The following PPP1R3E variants were observed in gnomAD, a reference collection of about 807,000 sequenced individuals.
The protein encoded by PPP1R3E is protein phosphatase 1, regulatory (inhibitor) subunit 3E.
PPP1R3E carries 20 observed loss-of-function variants against 18.5 expected under a neutral mutation model. The ratio of observed to expected loss-of-function variants is 1.08; its 90% confidence interval spans 0.76 to 1.58. The LOEUF is 1.58. Among genes scored for constraint, PPP1R3E ranks in the 40% most tolerant of loss-of-function variants. The pLI, the probability that PPP1R3E is intolerant of heterozygous loss-of-function variation, is 0.00. For synonymous variants in PPP1R3E, 208 were observed against 208.1 expected (o/e 1.00, Z 0.00); for missense variants, 498 against 460.2 (o/e 1.08, Z -0.75).
In PPP1R3E at chr14:23,302,409, G is replaced by C. The variant is rs1261431246; in HGVS notation, c.168C>G (p.His56Gln). 3 of 1,492,956 alleles carry C rather than the reference G, an allele frequency of 2.0e-6. No individual in the cohort carries two copies. Among genetic ancestry groups the C allele is most frequent in the South Asian group, 2.5e-5 (2 of 78,668 alleles). The allele number at this position is 1,492,956 out of a possible 1,614,324, so 92.5% of individuals were successfully genotyped here. A position where few individuals can be genotyped will look rare whatever the true frequency, so the allele number is the denominator to read the frequency against. ...GTRFGARSRA[H>Q]APSRGRRARS... ...GGGCCCGGCGGCCCCGACTCGGTGCGTGAGCGCGGGATCGGGCCCCGAACC... is the reference window on the plus strand; with the variant it reads ...GGGCCCGGCGGCCCCGACTCGGTGCCTGAGCGCGGGATCGGGCCCCGAACC... The change falls in exon 1 of 5, where the codon CAC (histidine) becomes CAG (glutamine). Residue 56 changes from histidine to glutamine, a missense_variant. Transcript: ENST00000452015.
chr14:23,302,211 C>T lies in PPP1R3E; in HGVS notation c.366G>A (p.Arg122=). ...VPRHVQIQLQ[R]DALRHFAPCQ... is the part of the protein sequence containing the mutation. ...AGGGCGCGAAGTGGCGGAGGGCGTCCCTCTGCAATTGGATCTGCACGTGGC... is the reference window on the plus strand; with the variant it reads ...AGGGCGCGAAGTGGCGGAGGGCGTCTCTCTGCAATTGGATCTGCACGTGGC... The change falls in exon 1 of 5, where the codon AGG becomes AGA. Residue 122 remains arginine (R), a synonymous_variant. Transcript: ENST00000452015. 6.8e-7 allele frequency: 1 copy of T among 1,472,728 alleles called. No homozygotes were observed. Among genetic ancestry groups the T allele is most frequent in the African/African-American group, 1.5e-5 (1 of 68,278 alleles). 91.2% of individuals were successfully genotyped at this position (1,472,728 alleles called of 1,614,324 possible).
rs941299511 is a variant in PPP1R3E at position 23,302,643 on chromosome 14, C to G, written c.-67G>C. The G allele has an allele frequency of 1.5e-6, 2 of 1,370,804 alleles. No homozygotes were observed. Among genetic ancestry groups the G allele is most frequent in the Admixed American group, 3.7e-5 (1 of 26,900 alleles). 84.9% of individuals were successfully genotyped at this position (1,370,804 alleles called of 1,614,324 possible). ...CGCTCCCCTCTCTTCCTCTCTCCCG[C>G]CCGCCCCGCGTCAGCGCAGAAGTCG... On this transcript the variant is annotated 5_prime_UTR_variant, in exon 1 of 5. Coordinates refer to ENST00000452015, the MANE Select transcript of PPP1R3E (RefSeq NM_001276318.2).
chr14:23,302,102 A>T, intron 1 of PPP1R3E, 58 bp downstream of exon 1: 2 of 1,378,874 alleles, frequency 1.5e-6, no homozygotes. Context: ...CACTCCCACA[A>T]GCCCGCTGCG....
At position 23,302,773 on chromosome 14, in the gene PPP1R3E, C is replaced by T. The variant is rs1257283792; in HGVS notation, c.-197G>A. On this transcript the variant is annotated 5_prime_UTR_variant, in exon 1 of 5. Coordinates refer to ENST00000452015, the MANE Select transcript of PPP1R3E (RefSeq NM_001276318.2). ...TGCCTCTCCTCTGTGACCACCCTTC[C>T]CTCCCTCTGGCCGTCAGCTTCCAGG... 3.3e-5 allele frequency: 18 copies of T among 541,318 alleles called. No homozygotes were observed. The highest frequency in any genetic ancestry group is 5.6e-5 in the Non-Finnish European group (18 of 319,192). 33.5% of individuals were successfully genotyped at this position (541,318 alleles called of 1,614,324 possible).
Position 23,301,446 on chromosome 14 carries a change from T to C in PPP1R3E, c.830A>G (p.His277Arg). 6.9e-7 allele frequency: 1 copy of C among 1,442,326 alleles called. No individual in the cohort carries two copies. The highest frequency in any genetic ancestry group is 9.1e-7 in the Non-Finnish European group (1 of 1,102,028). The allele number at this position is 1,442,326 out of a possible 1,614,324, so 89.3% of individuals were successfully genotyped here. A position where few individuals can be genotyped will look rare whatever the true frequency, so the allele number is the denominator to read the frequency against. ...GGAPEPQGWI[H>R]FI ...CGCAGGCGCCTCGTCTCAGATAAAG[T>C]GGATCCAGCCCTGCGGCTCCGGAGC... The change falls in exon 2 of 5, where the codon CAC (histidine) becomes CGC (arginine). Residue 277 changes from histidine (H) to arginine (R), a missense_variant. Physicochemically the swap from His to Arg is conservative, Grantham distance 29. Coordinates refer to ENST00000452015, the MANE Select transcript of PPP1R3E (RefSeq NM_001276318.2).
At position 23,301,845 on chromosome 14, in the gene PPP1R3E, G is replaced by A. The variant is rs960018346; in HGVS notation, c.431C>T (p.Ala144Val). 1.8e-5 allele frequency: 26 copies of A among 1,449,358 alleles called. No homozygotes were observed. The highest frequency in any genetic ancestry group is 3.0e-5 in the African/African-American group (2 of 66,782). 89.8% of individuals were successfully genotyped at this position (1,449,358 alleles called of 1,614,324 possible). A position where few individuals can be genotyped will look rare whatever the true frequency, so the allele number is the denominator to read the frequency against. The change falls in exon 2 of 5, where the codon GCC becomes GTC. Residue 144 changes from alanine (A) to valine (V), a missense_variant. Transcript: ENST00000452015. ...GCCGGGCTCGCTGGCCGGCTCCAGG[G>A]CGGCGCGCGCCTCCTGGGGGAAAGA... ...RARGLQEARA[A>V]LEPASEPGFA... is the part of the protein sequence containing the mutation.
At chr14:23,300,232 G>A (rs977847721) in intron 3 of PPP1R3E, 6 of 152,184 alleles carry the variant, frequency 3.9e-5, no homozygotes, top group African/African-American at 1.2e-4. Flanking sequence ...GCTGAAGGTT[G>A]GTTATGGGAT....
At position 23,301,367 on chromosome 14, in the gene PPP1R3E, C is replaced by A; in HGVS notation, c.*69G>T. Reference sequence around the variant, plus strand: ...AATCCTGGTCTCTCCTACTCCTCCCCGCCACATCGGGTCGCCCCGCCCCCG... The same window carrying A: ...AATCCTGGTCTCTCCTACTCCTCCCAGCCACATCGGGTCGCCCCGCCCCCG... On this transcript the variant is annotated 3_prime_UTR_variant, in exon 2 of 5. Coordinates refer to ENST00000452015, the MANE Select transcript of PPP1R3E (RefSeq NM_001276318.2). The A allele has an allele frequency of 7.6e-7, 1 of 1,308,546 alleles. No individual in the cohort carries two copies. The highest frequency in any genetic ancestry group is 3.1e-5 in the East Asian group (1 of 31,872). The allele number at this position is 1,308,546 out of a possible 1,614,324, so 81.1% of individuals were successfully genotyped here.
rs954915135 is a variant in PPP1R3E, at chr14:23,302,347, G to C, written c.230C>G (p.Pro77Arg). ...GCGGGTGTCTGGGCTACGGCTGCGG[G>C]GCGCCCGGGCCCCGCCGCCTCCGGC... ...APAGGGGARA[P>R]RSRSPDTRKR... is the part of the protein sequence containing the mutation. The change falls in exon 1 of 5, where the codon CCC (proline) becomes CGC (arginine). Residue 77 changes from proline to arginine, a missense_variant. By Grantham distance (103) the Pro-to-Arg change is moderately radical. Transcript: ENST00000452015. 8 of 1,501,572 alleles carry C rather than the reference G, an allele frequency of 5.3e-6. No individual in the cohort carries two copies. Among genetic ancestry groups the C allele is most frequent in the Non-Finnish European group, 7.0e-6 (8 of 1,135,104 alleles). The allele number at this position is 1,501,572 out of a possible 1,614,324, so 93.0% of individuals were successfully genotyped here. A position where few individuals can be genotyped will look rare whatever the true frequency, so the allele number is the denominator to read the frequency against.
Position 23,295,807 on chromosome 14 carries a change from C to T in PPP1R3E, c.*3497G>A, listed in dbSNP as rs1886863747. ...TATTAAATTTTTCTGGACACACACA[C>T]ACAAAAAACAAGGTGACCAAGAAAT... is the stretch of plus-strand genomic sequence containing the variant. On this transcript the variant is annotated 3_prime_UTR_variant, in exon 5 of 5. Coordinates refer to ENST00000452015, the MANE Select transcript of PPP1R3E (RefSeq NM_001276318.2). 1 of 154,800 alleles carries T rather than the reference C, an allele frequency of 6.5e-6. No homozygotes were observed. The highest frequency in any genetic ancestry group is 2.4e-5 in the African/African-American group (1 of 41,502). 9.6% of individuals were successfully genotyped at this position (154,800 alleles called of 1,614,324 possible).
chr14:23,300,661 T>G (rs533008292), intron 3 of PPP1R3E, 97 bp downstream of exon 3: 1 of 152,246 alleles, frequency 6.6e-6, no homozygotes, highest in Non-Finnish European at 1.5e-5. Flanking sequence ...GTACAACCCC[T>G]GAGGCTCAGT....
chr14:23,302,294 C>G lies in PPP1R3E; in HGVS notation c.283G>C (p.Gly95Arg). 6.6e-7 allele frequency: 1 copy of G among 1,520,540 alleles called. No homozygotes were observed. Among genetic ancestry groups the G allele is most frequent in the Non-Finnish European group, 8.8e-7 (1 of 1,141,844 alleles). The allele number at this position is 1,520,540 out of a possible 1,614,324, so 94.2% of individuals were successfully genotyped here. Residue 95 changes from glycine (G) to arginine (R), a missense_variant, in exon 1 of 5, where the codon GGG becomes CGG. Gly to Arg is a moderately radical substitution (Grantham distance 125). Transcript: ENST00000452015. ...RKRVRFADAL[G>R]LELAVVRRFR... is the part of the protein sequence containing the mutation. Reference sequence around the variant, plus strand: ...CGGCGCACGACAGCCAGCTCCAACCCCAGTGCGTCGGCGAAACGCACTCTC... The same window carrying G: ...CGGCGCACGACAGCCAGCTCCAACCGCAGTGCGTCGGCGAAACGCACTCTC...
chr14:23,302,635 C>G lies in PPP1R3E; in HGVS notation c.-59G>C. On this transcript the variant is annotated 5_prime_UTR_variant, in exon 1 of 5. Transcript: ENST00000452015. ...CGCCACCGCGCTCCCCTCTCTTCCT[C>G]TCTCCCGCCCGCCCCGCGTCAGCGC... 3 of 1,377,334 alleles carry G rather than the reference C, an allele frequency of 2.2e-6. No individual in the cohort carries two copies. The highest frequency in any genetic ancestry group is 3.2e-5 in the South Asian group (2 of 61,632). The allele number at this position is 1,377,334 out of a possible 1,614,324, so 85.3% of individuals were successfully genotyped here. A position where few individuals can be genotyped will look rare whatever the true frequency, so the allele number is the denominator to read the frequency against.
Position 23,302,418 on chromosome 14 carries a change from G to A in PPP1R3E, c.159C>T (p.Ser53=). 3 of 1,494,838 alleles carry A rather than the reference G, an allele frequency of 2.0e-6. No individual in the cohort carries two copies. The highest frequency in any genetic ancestry group is 1.8e-6 in the Non-Finnish European group (2 of 1,132,286). 92.6% of individuals were successfully genotyped at this position (1,494,838 alleles called of 1,614,324 possible). ...GGCCCCGACTCGGTGCGTGAGCGCGGGATCGGGCCCCGAACCGCGTCCCGC... is the reference window on the plus strand; with the variant it reads ...GGCCCCGACTCGGTGCGTGAGCGCGAGATCGGGCCCCGAACCGCGTCCCGC... ...GEGGTRFGAR[S]RAHAPSRGRR... Residue 53 remains serine (S), a synonymous_variant, in exon 1 of 5, where the codon TCC becomes TCT. Transcript: ENST00000452015.
At chr14:23,300,453 C>T (rs1322876875) in intron 3 of PPP1R3E, 12 of 152,226 alleles carry the variant, frequency 7.9e-5, no homozygotes, top group African/African-American at 2.2e-4. Context: ...AAGGAGAACA[C>T]TGGGGCACAA....
At position 23,297,509 on chromosome 14, in the gene PPP1R3E, A is replaced by T. The variant is rs1233422733; in HGVS notation, c.*1795T>A. ...GGGGTTGGGAAAATCTCAGTGCTGAAGTCCTGGGAGAGGAGTACACACCAA... is the reference window on the plus strand; with the variant it reads ...GGGGTTGGGAAAATCTCAGTGCTGATGTCCTGGGAGAGGAGTACACACCAA... On this transcript the variant is annotated 3_prime_UTR_variant, in exon 5 of 5. Coordinates refer to ENST00000452015, the MANE Select transcript of PPP1R3E (RefSeq NM_001276318.2). 6.6e-6 allele frequency: 1 copy of T among 152,278 alleles called. No individual in the cohort carries two copies. Among genetic ancestry groups the T allele is most frequent in the Non-Finnish European group, 1.5e-5 (1 of 68,084 alleles). 9.4% of individuals were successfully genotyped at this position (152,278 alleles called of 1,614,324 possible). A position where few individuals can be genotyped will look rare whatever the true frequency, so the allele number is the denominator to read the frequency against.
At chr14:23,299,937 T>TTG (rs1886987372) in intron 3 of PPP1R3E, among the ~76,000 whole-genome samples, 5 of 148,016 alleles carry the variant, frequency 3.4e-5, no homozygotes, top group Admixed American at 6.7e-5. Flanking sequence ...GTTTTTTTTT[T>TTG]TTTTTTTTTT....
rs1472957977 is a variant in PPP1R3E, at chr14:23,298,554, AG to A, written c.*749del. Reference sequence around the variant, plus strand: ...TTATGATCGAGTCATAGTTCTGGAAAGGAAGAAAAACCCAGATTTGCGCACA... The same window carrying A: ...TTATGATCGAGTCATAGTTCTGGAAAGAAGAAAAACCCAGATTTGCGCACA... On this transcript the variant is annotated 3_prime_UTR_variant, in exon 5 of 5. Coordinates refer to ENST00000452015, the MANE Select transcript of PPP1R3E (RefSeq NM_001276318.2). The A allele has an allele frequency of 3.2e-5, 5 of 154,372 alleles. No individual in the cohort carries two copies. The highest frequency in any genetic ancestry group is 1.3e-4 in the Admixed American group (2 of 15,280). The allele number at this position is 154,372 out of a possible 1,614,324, so 9.6% of individuals were successfully genotyped here.
rs1168187663 is a variant in PPP1R3E, at chr14:23,295,694, T to C, written c.*3610A>G. 4.5e-6 allele frequency: 1 copy of C among 222,044 alleles called. No individual in the cohort carries two copies. Among genetic ancestry groups the C allele is most frequent in the Non-Finnish European group, 8.8e-6 (1 of 113,128 alleles). 13.8% of individuals were successfully genotyped at this position (222,044 alleles called of 1,614,324 possible). ...TTTGTGTGTGAATTTTTAATGTAAATGTAGGTGGGGAAGTAAAGCATTAAT... is the reference window on the plus strand; with the variant it reads ...TTTGTGTGTGAATTTTTAATGTAAACGTAGGTGGGGAAGTAAAGCATTAAT... On this transcript the variant is annotated 3_prime_UTR_variant, in exon 5 of 5. Transcript: ENST00000452015.
Sources: allele counts gnomAD v4.1 joint callset (sites outside exome capture counted in the v4.1 genomes callset), GRCh38; gene constraint gnomAD v4.1.1; transcripts MANE v1.5; gene names NCBI Gene and HGNC (gene_info 2026-07-23, HGNC 2026-07-21).